Variants in NLRP1 observed in about 807,000 individuals in gnomAD.
NLRP1 encodes the protein NLR family pyrin domain containing 1.
In NLRP1, 94 loss-of-function variants were observed where a neutral mutation model predicts 136.7. The observed-to-expected ratio is 0.69, with a 90% CI of 0.58 to 0.82. The LOEUF (loss-of-function observed/expected upper bound fraction) is 0.82, where lower values mean the gene tolerates loss of function less well. Among genes scored for constraint, NLRP1 ranks in the 40% least tolerant of loss-of-function variants. NLRP1 has a pLI of 0.00. For missense variants in NLRP1, 1,575 were observed against 1,802.7 expected, an observed-to-expected ratio of 0.87 and a Z score of 2.29; for synonymous variants, 690 against 725.1, an observed-to-expected ratio of 0.95 and a Z score of 0.78.
At chr17:5,523,707 C>G (rs544159360) in intron 12 of NLRP1, among the ~76,000 whole-genome samples, 1 of 152,180 alleles carries the variant, frequency 6.6e-6, no homozygotes, top group African/African-American at 2.4e-5. Flanking sequence ...TGCCTGGTAA[C>G]TGCTGCAATG....
Position 5,539,470 on chromosome 17 carries a change from C to T in NLRP1, c.2815G>A (p.Val939Met), listed in dbSNP as rs61754791. 0.014 allele frequency: 21,900 copies of T among 1,614,106 alleles called. 197 individuals carry two copies. Among genetic ancestry groups the T allele is most frequent in the African/African-American group, 0.025 (1,886 of 75,022 alleles). Residue 939 changes from valine to methionine, a missense_variant, in exon 7 of 17, where the codon GTG (valine) becomes ATG (methionine). Physicochemically the swap from Val to Met is conservative, Grantham distance 21. Transcript: ENST00000572272. ...CTGAGCCCCTCACAGAGCAGTCGCA[C>T]GCCAACGTCATCCAGGTTGTTCTGC... is the stretch of plus-strand genomic sequence containing the variant. ...LQQNNLDDVG[V>M]RLLCEGLRHP...
intron 8 of NLRP1, among the ~76,000 whole-genome samples, chr17:5,534,883 C>T (rs569648033): frequency 2.6e-5 from 4 of 152,198 alleles, no homozygotes; most frequent in Non-Finnish European, 5.9e-5. Context: ...TCTAGTCCAT[C>T]GGTTCTCAAA....
rs1448991754 is a variant in NLRP1 at position 5,514,841 on chromosome 17, G to A, written c.4335C>T (p.Tyr1445=). ...SWDRKCKDGL[Y]QALKETHPHL... ...GAGGATGGGTCTCCTTCAGGGCTTGGTAGAGTCCATCTTTGCACTTCCGGT... is the reference window on the plus strand; with the variant it reads ...GAGGATGGGTCTCCTTCAGGGCTTGATAGAGTCCATCTTTGCACTTCCGGT... The change falls in exon 17 of 17, where the codon TAC becomes TAT. Residue 1445 remains tyrosine, a synonymous_variant. Coordinates refer to ENST00000572272, the MANE Select transcript of NLRP1 (RefSeq NM_033004.4). 6.2e-7 allele frequency: 1 copy of A among 1,614,114 alleles called. No individual in the cohort carries two copies. The highest frequency in any genetic ancestry group is 1.7e-5 in the Admixed American group (1 of 60,004).
In NLRP1 at chr17:5,517,302, C is replaced by G. The variant is rs533473295; in HGVS notation, c.4057+444G>C. On this transcript the variant is annotated intron_variant, in intron 15 of 16. Transcript: ENST00000572272. The stretch of plus-strand genomic sequence containing the variant: ...TGAGAAAGCCACCTACCTCCTACCT[C>G]CTGTGGGCTATTTCTTCTCATCAAT... Among the ~76,000 whole-genome samples, 144 of 143,482 alleles carry G rather than the reference C, an allele frequency of 1.0e-3. 1 individual carries two copies. The South Asian group carries it at 0.03, about 30-fold the overall frequency. 94.1% of individuals were successfully genotyped at this position (143,482 alleles called of 152,430 possible). A position where few individuals can be genotyped will look rare whatever the true frequency, so the allele number is the denominator to read the frequency against.
intron 15 of NLRP1, among the ~76,000 whole-genome samples, chr17:5,506,716 A>C (rs1907352082): frequency 6.9e-6 from 1 of 144,236 alleles, no homozygotes; most frequent in Non-Finnish European, 1.5e-5. Flanking sequence ...ACATGGTGAA[A>C]CCCCAGCTCT....
At chr17:5,522,630 G>T (rs550013876) in intron 12 of NLRP1, among the ~76,000 whole-genome samples, 7 of 152,320 alleles carry the variant, frequency 4.6e-5, no homozygotes, top group Admixed American at 4.6e-4. Flanking sequence ...GCCTTTGGAG[G>T]CTGTGGGAAA....
chr17:5,556,549 A>G (rs1914108580), intron 4 of NLRP1, among the ~76,000 whole-genome samples: 12 of 152,116 alleles, frequency 7.9e-5, no homozygotes, highest in Admixed American at 7.9e-4. Flanking sequence ...ACTATAAAAT[A>G]AAATGTACAA....
Position 5,541,890 on chromosome 17 carries a change from A to T in NLRP1, c.2666T>A (p.Leu889Gln). 1 of 1,613,718 alleles carries T rather than the reference A, an allele frequency of 6.2e-7. No individual in the cohort carries two copies. Among genetic ancestry groups the T allele is most frequent in the Middle Eastern group, 1.7e-4 (1 of 6,060 alleles). The change falls in exon 6 of 17, where the codon CTG becomes CAG. Residue 889 changes from leucine to glutamine, a missense_variant. Transcript: ENST00000572272. This position sits in a 1 kb window ranked among gnomAD's most constrained non-coding sequence, Gnocchi z 4.2. ...CTGTAGCTTGCAGCTCGGCTGTCTCAGTCTCTGGCAAAGGTGTTTGGCTCC... is the reference window on the plus strand; with the variant it reads ...CTGTAGCTTGCAGCTCGGCTGTCTCTGTCTCTGGCAAAGGTGTTTGGCTCC... ...DAGAKHLCQR[L>Q]RQPSCKLQRL... is the part of the protein sequence containing the mutation.
In NLRP1 at chr17:5,514,884, C is replaced by A. The variant is rs752934168; in HGVS notation, c.4292G>T (p.Ser1431Ile). 1.5e-5 allele frequency: 24 copies of A among 1,614,044 alleles called. No homozygotes were observed. The highest frequency in any genetic ancestry group is 8.0e-5 in the African/African-American group (6 of 74,910). The part of the protein sequence containing the change: ...TRPSQMRKLF[S>I]LSQSWDRKCK... The stretch of plus-strand genomic sequence containing the variant: ...CTTCCGGTCCCAGGACTGGCTCAAG[C>A]TGAACAGCTTCCGCATCTGGCTGGG... Residue 1431 changes from serine to isoleucine, a missense_variant, in exon 17 of 17, where the codon AGC becomes ATC. Coordinates refer to ENST00000572272, the MANE Select transcript of NLRP1 (RefSeq NM_033004.4).
At chr17:5,568,680 A>T (rs1325556623) in intron 3 of NLRP1, among the ~76,000 whole-genome samples, 3 of 152,200 alleles carry the variant, frequency 2.0e-5, no homozygotes, top group African/African-American at 7.2e-5. Flanking sequence ...AGGCTTATTT[A>T]TAGGCAGCCT....
chr17:5,529,790 A>C, intron 12 of NLRP1: 1 of 296,240 alleles, frequency 3.4e-6, no homozygotes, highest in Non-Finnish European at 6.7e-6. Flanking sequence ...ATACACACTT[A>C]TTTTATGTTC....
downstream of NLRP1, among the ~76,000 whole-genome samples, chr17:5,509,251 C>T (rs995535019): frequency 3.3e-5 from 5 of 152,182 alleles, no homozygotes; most frequent in Non-Finnish European, 5.9e-5. Context: ...CTGGGGCTAA[C>T]CTGTGAGTAG....
chr17:5,510,365 G>GT (rs1209481333), downstream of NLRP1, among the ~76,000 whole-genome samples: 3 of 151,366 alleles, frequency 2.0e-5, no homozygotes, highest in African/African-American at 7.3e-5. Flanking sequence ...TAAAAAAACT[G>GT]GTTTTTTTTT....
intron 4 of NLRP1, among the ~76,000 whole-genome samples, chr17:5,556,117 C>T (rs1024354757): frequency 1.1e-4 from 4 of 36,152 alleles, no homozygotes; most frequent in Non-Finnish European, 1.5e-4. Context: ...TCTCTCTCTA[C>T]ACACACACAC....
intron 5 of NLRP1, among the ~76,000 whole-genome samples, chr17:5,544,937 G>A (rs988934126): frequency 6.6e-6 from 1 of 152,106 alleles, no homozygotes; most frequent in Non-Finnish European, 1.5e-5. Flanking sequence ...GCGGCCATCT[G>A]ATATGATTAT....
chr17:5,519,848 C>CTTTT (rs755028729), intron 14 of NLRP1, among the ~76,000 whole-genome samples: 11 of 90,250 alleles, frequency 1.2e-4, no homozygotes, highest in South Asian at 3.3e-4. Context: ...TAAATCAGGT[C>CTTTT]TTTTTTTTTT....
intron 7 of NLRP1, among the ~76,000 whole-genome samples, chr17:5,539,169 C>A (rs781492004): frequency 1.3e-5 from 2 of 152,226 alleles, no homozygotes; most frequent in Non-Finnish European, 2.9e-5. Context: ...CCACGCCCTG[C>A]CTGTCCTTGT....
chr17:5,579,584 G>A (rs1905371512), intron 3 of NLRP1, among the ~76,000 whole-genome samples: 1 of 152,084 alleles, frequency 6.6e-6, no homozygotes, highest in Admixed American at 6.6e-5. Flanking sequence ...CCCATTATTG[G>A]GTATATACCC....
At chr17:5,576,262 A>AAATAACT (rs1429931798) in intron 3 of NLRP1, among the ~76,000 whole-genome samples, 5 of 152,252 alleles carry the variant, frequency 3.3e-5, no homozygotes, top group African/African-American at 1.2e-4. Flanking sequence ...AGAAGGCAAG[A>AAATAACT]AATAACTAAG....
Sources: allele counts gnomAD v4.1 joint callset (sites outside exome capture counted in the v4.1 genomes callset), GRCh38; gene constraint gnomAD v4.1.1; non-coding constraint Gnocchi (gnomAD v3.1); transcripts MANE v1.5; gene names NCBI Gene and HGNC (gene_info 2026-07-23, HGNC 2026-07-21).